The following HS6ST3 variants were observed in gnomAD, a reference collection of about 807,000 sequenced individuals.
HS6ST3 encodes heparan-sulfate 6-O-sulfotransferase 3.
A neutral mutation model predicts 36.7 loss-of-function variants in HS6ST3; 12 were observed. The observed-to-expected ratio is 0.33, with a 90% CI of 0.21 to 0.53. The LOEUF is 0.53. HS6ST3 is among the 20% of genes least tolerant of loss of function. The pLI is 0.95. For missense variants in HS6ST3, 584 were observed against 640.9 expected, an observed-to-expected ratio of 0.91 and a Z score of 0.96; for synonymous variants, 240 against 257.5, an observed-to-expected ratio of 0.93 and a Z score of 0.65.
intron 1 of HS6ST3, among the ~76,000 whole-genome samples, chr13:96,142,561 A>G (rs1366002400): frequency 2.0e-5 from 3 of 152,190 alleles, no homozygotes; most frequent in Non-Finnish European, 4.4e-5. Flanking sequence ...GTTCACAAGT[A>G]CATGCATTAT....
intron 1 of HS6ST3, among the ~76,000 whole-genome samples, chr13:96,209,157 GA>G (rs2139356355): frequency 6.6e-6 from 1 of 152,308 alleles, no homozygotes; most frequent in Admixed American, 6.5e-5. Flanking sequence ...TAGTAATATA[GA>G]TGGAAAGATG....
intron 1 of HS6ST3, among the ~76,000 whole-genome samples, chr13:96,518,537 T>C (rs940603888): frequency 6.6e-6 from 1 of 152,216 alleles, no homozygotes; most frequent in Non-Finnish European, 1.5e-5. Context: ...AAAGAAATTC[T>C]GTAAACATTC....
intron 1 of HS6ST3, among the ~76,000 whole-genome samples, chr13:96,459,962 A>G (rs373920697): frequency 6.6e-6 from 1 of 152,198 alleles, no homozygotes; most frequent in Non-Finnish European, 1.5e-5. Flanking sequence ...TATTTGCTTG[A>G]TTCTTCTTGT....
intron 1 of HS6ST3, among the ~76,000 whole-genome samples, chr13:96,587,092 A>C (rs1454446970): frequency 6.6e-6 from 1 of 152,164 alleles, no homozygotes; most frequent in Non-Finnish European, 1.5e-5. Flanking sequence ...GTTGAAAGTC[A>C]GTCAACTGTA....
At chr13:96,481,664 C>T (rs1260703033) in intron 1 of HS6ST3, among the ~76,000 whole-genome samples, 2 of 152,146 alleles carry the variant, frequency 1.3e-5, no homozygotes, top group Non-Finnish European at 2.9e-5. Flanking sequence ...CGTCCTGCCC[C>T]TCCGCTCTCC....
chr13:96,809,891 TTA>T (rs531293421), intron 1 of HS6ST3, among the ~76,000 whole-genome samples: 23 of 152,188 alleles, frequency 1.5e-4, no homozygotes, highest in Non-Finnish European at 2.6e-4. Flanking sequence ...TCACATGAGG[TTA>T]TGTTTCCATA....
chr13:96,788,451 A>C (rs2138518607), intron 1 of HS6ST3, among the ~76,000 whole-genome samples: 1 of 151,970 alleles, frequency 6.6e-6, no homozygotes, highest in East Asian at 1.9e-4. Context: ...TATGAACATG[A>C]TCTATCAGGC....
At chr13:96,380,480 C>T in intron 1 of HS6ST3, among the ~76,000 whole-genome samples, 1 of 151,878 alleles carries the variant, frequency 6.6e-6, no homozygotes, top group African/African-American at 2.4e-5. Flanking sequence ...TAGCCAGGCT[C>T]ATCTCGAACT....
chr13:96,443,659 A>G lies in HS6ST3; in HGVS notation c.707+352090A>G, dbSNP rs1199647679. Among the ~76,000 whole-genome samples, 3 of 151,966 alleles carry G rather than the reference A, an allele frequency of 2.0e-5. No individual in the cohort carries two copies. The East Asian group carries it at 5.8e-4, about 29-fold the overall frequency. ...CTATTCACTTATTTATTGTTTCTTC[A>G]TTAATAGAAAGTAAGCACTATGTTG... On this transcript the variant is annotated intron_variant, in intron 1 of 1. Transcript: ENST00000376705.
chr13:96,405,680 A>G (rs1275829636), intron 1 of HS6ST3, among the ~76,000 whole-genome samples: 1 of 152,210 alleles, frequency 6.6e-6, no homozygotes, highest in African/African-American at 2.4e-5. Context: ...TTATGCAAAA[A>G]GATTACCTAT....
chr13:96,678,559 C>G (rs1275516842), intron 1 of HS6ST3, among the ~76,000 whole-genome samples: 1 of 151,894 alleles, frequency 6.6e-6, no homozygotes, highest in Non-Finnish European at 1.5e-5. Flanking sequence ...CCTGTAATCC[C>G]AGCTACTCGG....
At chr13:96,707,007 G>T (rs1875444481) in intron 1 of HS6ST3, among the ~76,000 whole-genome samples, 1 of 152,144 alleles carries the variant, frequency 6.6e-6, no homozygotes, top group Non-Finnish European at 1.5e-5. Context: ...AATACAACAT[G>T]CAAACACACA....
intron 1 of HS6ST3, among the ~76,000 whole-genome samples, chr13:96,575,716 C>A (rs2056318164): frequency 6.6e-6 from 1 of 152,198 alleles, no homozygotes; most frequent in Non-Finnish European, 1.5e-5. Context: ...TGACGTATTT[C>A]CCCTTTTTAT....
intron 1 of HS6ST3, among the ~76,000 whole-genome samples, chr13:96,099,042 C>T (rs757941674): frequency 1.3e-5 from 2 of 152,274 alleles, no homozygotes; most frequent in African/African-American, 2.4e-5. Flanking sequence ...CTCACAGGTT[C>T]AAGCAATTCT....
At chr13:96,481,766 T>C (rs2055891117) in intron 1 of HS6ST3, among the ~76,000 whole-genome samples, 1 of 152,190 alleles carries the variant, frequency 6.6e-6, no homozygotes, top group South Asian at 2.1e-4. Context: ...TGCCTGTCTG[T>C]CTCGCAGGCT....
chr13:96,260,746 T>A (rs1050948786), intron 1 of HS6ST3, among the ~76,000 whole-genome samples: 1 of 151,936 alleles, frequency 6.6e-6, no homozygotes, highest in Non-Finnish European at 1.5e-5. Context: ...TTCAAGTGAT[T>A]CTCCTGCCTC....
At chr13:96,334,357 T>A (rs2055088835) in intron 1 of HS6ST3, among the ~76,000 whole-genome samples, 1 of 152,084 alleles carries the variant, frequency 6.6e-6, no homozygotes, top group African/African-American at 2.4e-5. Flanking sequence ...CCACTTCACC[T>A]TCCACCATGA....
chr13:96,370,536 G>A (rs1307310304), intron 1 of HS6ST3, among the ~76,000 whole-genome samples: 1 of 152,134 alleles, frequency 6.6e-6, no homozygotes, highest in Non-Finnish European at 1.5e-5. Flanking sequence ...TTCCTGATAT[G>A]TTCCTCTAGA....
intron 1 of HS6ST3, among the ~76,000 whole-genome samples, chr13:96,494,461 G>A (rs1294978670): frequency 6.6e-6 from 1 of 151,416 alleles, no homozygotes; most frequent in Non-Finnish European, 1.5e-5. Context: ...GTTAATGGGT[G>A]CAGCACACCA....
Sources: allele counts gnomAD v4.1 joint callset (sites outside exome capture counted in the v4.1 genomes callset), GRCh38; gene constraint gnomAD v4.1.1; transcripts MANE v1.5; gene names NCBI Gene and HGNC (gene_info 2026-07-23, HGNC 2026-07-21).